SYN2: variants seen among roughly 807,000 people sequenced by gnomAD.
The protein encoded by SYN2 is synapsin II.
A neutral mutation model predicts 50.9 loss-of-function variants in SYN2; 19 were observed. The observed-to-expected ratio is 0.37, with a 90% CI of 0.26 to 0.55. The LOEUF is 0.55. SYN2 is among the 20% of genes least tolerant of loss of function. The pLI is 0.81. For synonymous variants in SYN2, 255 were observed against 224.9 expected (o/e 1.13, Z -1.20); for missense variants, 587 against 576.4 (o/e 1.02, Z -0.19).
At chr3:12,072,105 T>C (rs1007123448) in intron 1 of SYN2, among the ~76,000 whole-genome samples, 1 of 152,248 alleles carries the variant, frequency 6.6e-6, no homozygotes, top group Admixed American at 6.5e-5. Flanking sequence ...AACAAAAACC[T>C]TTTTATGTGA....
chr3:12,185,683 ACT>A, intron 11 of SYN2: 1 of 985,592 alleles, frequency 1.0e-6, no homozygotes, highest in Non-Finnish European at 1.2e-6. Context: ...CTCTTTTGTG[ACT>A]CTTGTACAGC....
rs745773299 is a variant in SYN2 at position 12,156,862 on chromosome 3, C to A, written c.775-4684C>A. 6.2e-7 allele frequency: 1 copy of A among 1,614,208 alleles called. No homozygotes were observed. Among genetic ancestry groups the A allele is most frequent in the Non-Finnish European group, 8.5e-7 (1 of 1,180,032 alleles). ...TTCTGGCTGTTGGCTTCTAGTTTCA[C>A]ACCACAGAGGGAAGAGTCAAAAGGC... On this transcript the variant is annotated intron_variant, in intron 5 of 12. Coordinates refer to ENST00000621198, the MANE Select transcript of SYN2 (RefSeq NM_133625.6).
In SYN2 at chr3:12,162,170, G is replaced by A. The variant is rs749887424; in HGVS notation, c.980+16G>A. On this transcript the variant is annotated intron_variant, in intron 7 of 12. Transcript: ENST00000621198. ...AGGCTTACATGTGAGTAAGAGTGGGGTATGTTTTCTCCTCAGTGATGATGG... is the reference window on the plus strand; with the variant it reads ...AGGCTTACATGTGAGTAAGAGTGGGATATGTTTTCTCCTCAGTGATGATGG... 6.2e-7 allele frequency: 1 copy of A among 1,613,524 alleles called. No individual in the cohort carries two copies. Among genetic ancestry groups the A allele is most frequent in the East Asian group, 2.2e-5 (1 of 44,872 alleles).
intron 1 of SYN2, among the ~76,000 whole-genome samples, chr3:12,059,797 C>T (rs375646577): frequency 3.3e-5 from 5 of 151,702 alleles, no homozygotes; most frequent in South Asian, 4.2e-4. Flanking sequence ...CCATGCTTGG[C>T]GGGGGGCCCA....
rs1694041162 is a variant in SYN2, at chr3:12,017,027, A to G, written c.377+12099A>G. 2.0e-5 allele frequency among the ~76,000 whole-genome samples: 3 copies of G among 152,302 alleles called. No homozygotes were observed. The South Asian group carries it at 6.2e-4, about 32-fold the overall frequency. ...GTCTCAGTGGACTGTAGAAGTCAAA[A>G]TGTTTCACAGAAGTCACAGATCTGA... On this transcript the variant is annotated intron_variant, in intron 1 of 12. Coordinates refer to ENST00000621198, the MANE Select transcript of SYN2 (RefSeq NM_133625.6).
intron 1 of SYN2, among the ~76,000 whole-genome samples, chr3:12,114,730 T>A (rs1696392476): frequency 6.6e-6 from 1 of 152,168 alleles, no homozygotes; most frequent in African/African-American, 2.4e-5. Context: ...GGAAACCAAA[T>A]TTAGAAACTT....
At chr3:12,040,972 TG>T (rs1300205826) in intron 1 of SYN2, among the ~76,000 whole-genome samples, 3 of 152,234 alleles carry the variant, frequency 2.0e-5, no homozygotes, top group Admixed American at 6.5e-5. Flanking sequence ...GGAGAAAAGA[TG>T]AAGCTTTGAA....
intron 7 of SYN2, among the ~76,000 whole-genome samples, chr3:12,163,068 A>G (rs372654478): frequency 1.4e-4 from 22 of 151,990 alleles, no homozygotes; most frequent in South Asian, 8.3e-4. Context: ...GTGAAACCCC[A>G]TCTCTACTAA....
rs1698273300 is a variant in SYN2, at chr3:12,183,619, G to A, written c.1369+247G>A. 8 of 1,445,018 alleles carry A rather than the reference G, an allele frequency of 5.5e-6. No homozygotes were observed. The South Asian group carries it at 1.2e-4, about 21-fold the overall frequency. 89.5% of individuals were successfully genotyped at this position (1,445,018 alleles called of 1,614,324 possible). ...TCTGTCTGGTTGTTTACCTGTTCCT[G>A]TTCGTGCTTGTAATGCTCACTTATG... On this transcript the variant is annotated intron_variant, in intron 11 of 12. Transcript: ENST00000621198.
chr3:12,023,270 TA>T (rs1694183755), intron 1 of SYN2, among the ~76,000 whole-genome samples: 1 of 152,192 alleles, frequency 6.6e-6, no homozygotes, highest in Non-Finnish European at 1.5e-5. Flanking sequence ...AATTTCTTTT[TA>T]TTATTTTTTC....
chr3:12,133,653 G>C (rs1177358679), intron 1 of SYN2, among the ~76,000 whole-genome samples: 2 of 152,162 alleles, frequency 1.3e-5, no homozygotes, highest in African/African-American at 4.8e-5. Flanking sequence ...TTACTACACT[G>C]GCTTCTGAAA....
At chr3:12,158,718 G>A (rs748456853) in intron 5 of SYN2, 7 of 1,610,192 alleles carry the variant, frequency 4.3e-6, no homozygotes, top group Non-Finnish European at 5.9e-6. Context: ...CCGAGTGGCA[G>A]ATGTGCTGCT....
chr3:12,166,600 A>T lies in SYN2; in HGVS notation c.981-634A>T, dbSNP rs542120875. Among the ~76,000 whole-genome samples, 26 of 152,370 alleles carry T rather than the reference A, an allele frequency of 1.7e-4. No homozygotes were observed. The South Asian group carries it at 5.4e-3, about 32-fold the overall frequency. On this transcript the variant is annotated intron_variant, in intron 7 of 12. Transcript: ENST00000621198. ...GGCTTGATGCCATCGGCTCCATTTG[A>T]CAGACAAGGCAACTTAACCCTGAAG...
At chr3:12,123,905 G>A (rs895950543) in intron 1 of SYN2, among the ~76,000 whole-genome samples, 4 of 152,136 alleles carry the variant, frequency 2.6e-5, no homozygotes, top group Non-Finnish European at 5.9e-5. Context: ...CAACTACTCA[G>A]TAGGCTAAGG....
chr3:12,055,755 T>C (rs1348132844), intron 1 of SYN2, among the ~76,000 whole-genome samples: 2 of 152,232 alleles, frequency 1.3e-5, no homozygotes, highest in Admixed American at 1.3e-4. Flanking sequence ...TCTTTGAATT[T>C]CATTTTCTAT....
chr3:12,040,526 G>A (rs1026690974), intron 1 of SYN2, among the ~76,000 whole-genome samples: 75 of 148,792 alleles, frequency 5.0e-4, no homozygotes, highest in Admixed American at 2.0e-4. Context: ...TCTGCCTCCC[G>A]GGTTCAAGCC....
intron 9 of SYN2, among the ~76,000 whole-genome samples, 172 bp downstream of exon 9, chr3:12,168,650 T>A (rs891615870): frequency 3.4e-4 from 52 of 152,328 alleles, no homozygotes; most frequent in African/African-American, 1.2e-3. Flanking sequence ...GTAAAAGATG[T>A]TGAATACGGG....
intron 1 of SYN2, among the ~76,000 whole-genome samples, chr3:12,005,784 GGTAGCAT>G (rs1473905172): frequency 2.3e-4 from 35 of 152,074 alleles, no homozygotes; most frequent in Middle Eastern, 3.4e-3. Context: ...TAAAGAGATA[GGTAGCAT>G]GTTTCCAACT....
intron 1 of SYN2, among the ~76,000 whole-genome samples, chr3:12,085,345 T>G (rs1399791549): frequency 2.2e-5 from 2 of 91,534 alleles, no homozygotes; most frequent in Non-Finnish European, 4.2e-5. Context: ...ATATGATTGT[T>G]ATGGAATACA....
Sources: allele counts gnomAD v4.1 joint callset (sites outside exome capture counted in the v4.1 genomes callset), GRCh38; gene constraint gnomAD v4.1.1; transcripts MANE v1.5; gene names NCBI Gene and HGNC (gene_info 2026-07-23, HGNC 2026-07-21).